Variants in PELI2 observed in about 807,000 individuals in gnomAD.
PELI2 encodes the protein E3 ubiquitin-protein ligase pellino homolog 2.
Under a neutral mutation model 42.3 loss-of-function variants are expected in PELI2, and 23 were observed. That is an observed-to-expected ratio of 0.54 (90% confidence interval 0.39 to 0.77). PELI2 has a LOEUF of 0.77. Ranked by LOEUF, PELI2 falls within the 30% of genes least tolerant of loss-of-function variation. PELI2 has a pLI of 0.00. For synonymous variants in PELI2, 245 were observed against 212.2 expected, an observed-to-expected ratio of 1.15 and a Z score of -1.34; for missense variants, 463 against 553.2, an observed-to-expected ratio of 0.84 and a Z score of 1.64.
chr14:56,225,746 G>C (rs1174191592), intron 2 of PELI2, among the ~76,000 whole-genome samples: 1 of 152,174 alleles, frequency 6.6e-6, no homozygotes, highest in Non-Finnish European at 1.5e-5. Context: ...GGAGAGCCTG[G>C]AGAAAACCTA....
At chr14:56,289,823 T>C (rs1889768914) in intron 4 of PELI2, among the ~76,000 whole-genome samples, 2 of 152,364 alleles carry the variant, frequency 1.3e-5, no homozygotes, top group Middle Eastern at 3.4e-3. Flanking sequence ...ATTTTCTAGC[T>C]TTAATAAAAG....
chr14:56,118,853 C>T (rs1566590174), intron 1 of PELI2, 116 bp downstream of exon 1: 2 of 594,262 alleles, frequency 3.4e-6, no homozygotes, highest in Non-Finnish European at 5.1e-6. Context: ...GCGCTCGGGG[C>T]GGCAGGAGAG....
At chr14:56,150,366 G>C (rs1384736727) in intron 1 of PELI2, among the ~76,000 whole-genome samples, 1 of 152,112 alleles carries the variant, frequency 6.6e-6, no homozygotes, top group East Asian at 1.9e-4. Flanking sequence ...TATGTTAATT[G>C]GTCCAATGTA....
intron 3 of PELI2, among the ~76,000 whole-genome samples, chr14:56,287,915 C>T (rs1889697159): frequency 6.6e-6 from 1 of 152,202 alleles, no homozygotes; most frequent in Non-Finnish European, 1.5e-5. Context: ...TATGTGCATA[C>T]ATCACAGGCC....
chr14:56,243,113 G>A (rs1255695846), intron 2 of PELI2, among the ~76,000 whole-genome samples: 1 of 151,826 alleles, frequency 6.6e-6, no homozygotes, highest in African/African-American at 2.4e-5. Context: ...TGTCTGTCTG[G>A]TTGATTTCTA....
At chr14:56,194,577 A>C (rs185794128) in intron 2 of PELI2, among the ~76,000 whole-genome samples, 21 of 152,286 alleles carry the variant, frequency 1.4e-4, no homozygotes, top group African/African-American at 4.8e-4. Context: ...TGCCTGTTAG[A>C]TGTGACACTT....
chr14:56,126,276 T>C (rs946409571), intron 1 of PELI2, among the ~76,000 whole-genome samples: 10 of 152,214 alleles, frequency 6.6e-5, no homozygotes, highest in African/African-American at 2.4e-4. Context: ...CTGGAAATAC[T>C]GTGGCATACA....
chr14:56,290,617 AGGGAAATGG>A (rs1424518738), intron 5 of PELI2, among the ~76,000 whole-genome samples, 161 bp downstream of exon 5: 5 of 152,160 alleles, frequency 3.3e-5, no homozygotes, highest in African/African-American at 1.2e-4. Flanking sequence ...TGAAATCAAG[AGGGAAATGG>A]CCTTATCTCC....
In PELI2 at chr14:56,300,218, A is replaced by G. The variant is rs932902854; in HGVS notation, c.*3052A>G. ...GGGAAGCCACGTGATATAACTGGTTATAGAATTTCAGGGTTAGGGTTTAAA... is the reference window on the plus strand; with the variant it reads ...GGGAAGCCACGTGATATAACTGGTTGTAGAATTTCAGGGTTAGGGTTTAAA... On this transcript the variant is annotated 3_prime_UTR_variant, in exon 6 of 6. Coordinates refer to ENST00000267460, the MANE Select transcript of PELI2 (RefSeq NM_021255.3). The G allele has an allele frequency of 7.2e-5, 11 of 152,668 alleles. 1 individual carries two copies. The highest frequency in any genetic ancestry group is 1.9e-4 in the African/African-American group (8 of 41,464). 9.5% of individuals were successfully genotyped at this position (152,668 alleles called of 1,614,324 possible).
chr14:56,194,746 C>T (rs937636921), intron 2 of PELI2, among the ~76,000 whole-genome samples: 1 of 152,218 alleles, frequency 6.6e-6, no homozygotes, highest in African/African-American at 2.4e-5. Flanking sequence ...CGTCCAGAGA[C>T]TGGCACATGA....
chr14:56,167,258 T>C (rs1169056446), intron 1 of PELI2, among the ~76,000 whole-genome samples: 6 of 152,220 alleles, frequency 3.9e-5, no homozygotes, highest in African/African-American at 1.4e-4. Flanking sequence ...GAATAAACTT[T>C]CTATTCCTAT....
At chr14:56,199,650 C>A (rs1342975097) in intron 2 of PELI2, among the ~76,000 whole-genome samples, 3 of 152,178 alleles carry the variant, frequency 2.0e-5, no homozygotes, top group Non-Finnish European at 4.4e-5. Flanking sequence ...TTAATGGCTA[C>A]TTTGACACAT....
chr14:56,231,532 C>CA (rs1351664634), intron 2 of PELI2, among the ~76,000 whole-genome samples: 1 of 152,146 alleles, frequency 6.6e-6, no homozygotes, highest in African/African-American at 2.4e-5. Flanking sequence ...GAAATGAAGG[C>CA]AGAAATAAAG....
chr14:56,120,189 C>T (rs1480827978), intron 1 of PELI2, among the ~76,000 whole-genome samples: 1 of 152,210 alleles, frequency 6.6e-6, no homozygotes, highest in Non-Finnish European at 1.5e-5. Context: ...GGAGGAATGA[C>T]AGGAGAAAAG....
intron 2 of PELI2, among the ~76,000 whole-genome samples, chr14:56,249,254 G>A (rs1286687579): frequency 6.6e-6 from 1 of 152,094 alleles, no homozygotes; most frequent in Non-Finnish European, 1.5e-5. Flanking sequence ...GATAGGGGTG[G>A]GAGAGAAGAA....
chr14:56,133,316 T>G (rs1417002743), intron 1 of PELI2, among the ~76,000 whole-genome samples: 9 of 150,130 alleles, frequency 6.0e-5, no homozygotes, highest in Non-Finnish European at 2.9e-5. Context: ...ACAAGTCTGC[T>G]TTTTTTCGGC....
intron 2 of PELI2, among the ~76,000 whole-genome samples, chr14:56,276,194 C>G (rs1889285611): frequency 6.6e-6 from 1 of 152,302 alleles, no homozygotes; most frequent in South Asian, 2.1e-4. Flanking sequence ...GAAAATTGAT[C>G]TCAGGTTTAA....
chr14:56,174,898 G>A (rs1885317001), intron 1 of PELI2, among the ~76,000 whole-genome samples: 1 of 152,090 alleles, frequency 6.6e-6, no homozygotes, highest in South Asian at 2.1e-4. Flanking sequence ...CTCTCCACTT[G>A]AACTTCATAC....
chr14:56,288,714 A>C lies in PELI2; in HGVS notation c.507+80A>C, dbSNP rs575057852. On this transcript the variant is annotated intron_variant, in intron 4 of 5. Coordinates refer to ENST00000267460, the MANE Select transcript of PELI2 (RefSeq NM_021255.3). This position sits in a 1 kb window ranked among gnomAD's most constrained non-coding sequence, Gnocchi z 4.6. ...TGGAACATTTAATTGGAGCAAAAAA[A>C]AATTGGCTTTGTATGTTGCCTCTAG... 53 of 1,211,018 alleles carry C rather than the reference A, an allele frequency of 4.4e-5. No individual in the cohort carries two copies. Among genetic ancestry groups the C allele is most frequent in the Non-Finnish European group, 2.4e-6 (2 of 846,438 alleles). 75.0% of individuals were successfully genotyped at this position (1,211,018 alleles called of 1,614,324 possible).
Sources: allele counts gnomAD v4.1 joint callset (sites outside exome capture counted in the v4.1 genomes callset), GRCh38; gene constraint gnomAD v4.1.1; non-coding constraint Gnocchi (gnomAD v3.1); transcripts MANE v1.5; gene names NCBI Gene and HGNC (gene_info 2026-07-23, HGNC 2026-07-21).